Variants in MCC observed in about 807,000 individuals in gnomAD.
The protein encoded by MCC is MCC regulator of Wnt signaling pathway.
A neutral mutation model predicts 116.2 loss-of-function variants in MCC; 90 were observed. The ratio of observed to expected loss-of-function variants is 0.77; its 90% CI spans 0.65 to 0.92. The LOEUF (loss-of-function observed/expected upper bound fraction) is 0.92. Ranked by LOEUF, MCC falls within the 40% of genes least tolerant of loss-of-function variation. MCC has a pLI of 0.00. For missense variants in MCC, 1,516 were observed against 1,312.2 expected (o/e 1.16, Z -2.40); for synonymous variants, 578 against 510.5 (o/e 1.13, Z -1.78).
chr5:113,286,834 A>G lies in MCC; in HGVS notation c.627+53685T>C, dbSNP rs1481398861. On this transcript the variant is annotated intron_variant, in intron 3 of 18. Transcript: ENST00000408903. ...TGCAAAGTGCTTTACAACCTTATTC[A>G]CTCCTGTGGCAATGAAAACCCTTGA... Among the ~76,000 whole-genome samples, 7 of 151,922 alleles carry G rather than the reference A, an allele frequency of 4.6e-5. No individual in the cohort carries two copies. In the East Asian group the frequency reaches 1.2e-3, roughly 25 times the overall value.
At chr5:113,290,489 A>G (rs984786244) in intron 3 of MCC, among the ~76,000 whole-genome samples, 1 of 152,248 alleles carries the variant, frequency 6.6e-6, no homozygotes, top group Admixed American at 6.5e-5. Flanking sequence ...TTTTGTACAT[A>G]AATAGGCAAC....
intron 2 of MCC, among the ~76,000 whole-genome samples, chr5:113,353,730 C>T (rs1206864982): frequency 6.6e-6 from 1 of 152,222 alleles, no homozygotes. Flanking sequence ...GGTCAGTTAG[C>T]AAAGTGCATG....
intron 6 of MCC, among the ~76,000 whole-genome samples, chr5:113,112,120 A>T (rs546908923): frequency 6.6e-6 from 1 of 152,188 alleles, no homozygotes; most frequent in African/African-American, 2.4e-5. Context: ...TTTGCTCCAA[A>T]GTATGGTCCC....
intron 2 of MCC, among the ~76,000 whole-genome samples, chr5:113,368,470 C>T (rs1318971226): frequency 6.6e-6 from 1 of 152,152 alleles, no homozygotes; most frequent in African/African-American, 2.4e-5. Context: ...GGTGAACATC[C>T]TGCATCAGCA....
intron 3 of MCC, among the ~76,000 whole-genome samples, chr5:113,165,379 A>G (rs545760345): frequency 1.4e-4 from 22 of 152,328 alleles, no homozygotes; most frequent in African/African-American, 5.1e-4. Flanking sequence ...CCTACAAGAA[A>G]CACCAACATT....
In MCC at chr5:113,101,775, A is replaced by T. The variant is rs1004433969; in HGVS notation, c.1362T>A (p.Asn454Lys). The T allele has an allele frequency of 2.5e-6, 4 of 1,613,470 alleles. No individual in the cohort carries two copies. Among genetic ancestry groups the T allele is most frequent in the Non-Finnish European group, 3.4e-6 (4 of 1,179,998 alleles). The change falls in exon 8 of 19, where the codon AAT (asparagine) becomes AAA (lysine). Residue 454 changes from asparagine to lysine, a missense_variant. By Grantham distance (94) the Asn-to-Lys change is moderately conservative. Coordinates refer to ENST00000408903, the MANE Select transcript of MCC (RefSeq NM_001085377.2). ...EELNRTKATM[N>K]AIREERDRLR... ...GCCGGTCCCGCTCTTCCCGGATGGC[A>T]TTCATGGTGGCCTTAGTCCGGTTCA...
intron 3 of MCC, among the ~76,000 whole-genome samples, chr5:113,290,555 C>A (rs980021928): frequency 2.0e-5 from 3 of 152,218 alleles, no homozygotes; most frequent in Non-Finnish European, 2.9e-5. Flanking sequence ...TAAGTAAAGT[C>A]AAGTTTTACC....
At chr5:113,170,205 C>T (rs941000983) in intron 3 of MCC, among the ~76,000 whole-genome samples, 1 of 152,276 alleles carries the variant, frequency 6.6e-6, no homozygotes, top group Non-Finnish European at 1.5e-5. Flanking sequence ...CTTTTTTCTT[C>T]TTTACAGCAC....
chr5:113,274,779 G>A (rs1215211067), intron 3 of MCC, among the ~76,000 whole-genome samples: 5 of 152,152 alleles, frequency 3.3e-5, no homozygotes, highest in Admixed American at 2.0e-4. Context: ...TACTGGGTGG[G>A]CTATGGAATC....
At chr5:113,329,033 C>G (rs1245456849) in intron 3 of MCC, among the ~76,000 whole-genome samples, 1 of 152,196 alleles carries the variant, frequency 6.6e-6, no homozygotes, top group African/African-American at 2.4e-5. Context: ...CACATCTCAG[C>G]CTGCTACATG....
chr5:113,431,671 A>AG (rs1770648299), intron 1 of MCC, among the ~76,000 whole-genome samples: 1 of 149,106 alleles, frequency 6.7e-6, no homozygotes, highest in Admixed American at 6.8e-5. Flanking sequence ...CTATCGCCTT[A>AG]GAGGGGTATA....
intron 1 of MCC, chr5:113,436,301 T>C (rs2043726390): frequency 2.0e-5 from 3 of 152,408 alleles, no homozygotes; most frequent in Admixed American, 1.3e-4. Context: ...AAACCCCAAG[T>C]GCTGTCTCTT....
chr5:113,434,992 A>G lies in MCC; in HGVS notation c.171-49780T>C, dbSNP rs1770806771. 3.4e-6 allele frequency: 3 copies of G among 894,178 alleles called. No individual in the cohort carries two copies. The highest frequency in any genetic ancestry group is 5.0e-6 in the Non-Finnish European group (3 of 597,366). 55.4% of individuals were successfully genotyped at this position (894,178 alleles called of 1,614,324 possible). ...CCTAGAGGCCAAGACTCTGGAGTGG[A>G]ACATTTGGCACTGTCTCCCAGATGA... On this transcript the variant is annotated intron_variant, in intron 1 of 18. Coordinates refer to ENST00000408903, the MANE Select transcript of MCC (RefSeq NM_001085377.2). This position sits in a 1 kb window ranked among gnomAD's most constrained non-coding sequence, Gnocchi z 4.2.
At position 113,071,086 on chromosome 5, in the gene MCC, G is replaced by GCCTCGCGC; in HGVS notation, c.1925+7_1925+8insGCGCGAGG. ...GAAGTAGCTCCAAACATCCCAGTGTGTGCCTACCTGTACTGCAAGGCCAGC... is the reference window on the plus strand; with the variant it reads ...GAAGTAGCTCCAAACATCCCAGTGTGCCTCGCGCTGCCTACCTGTACTGCAAGGCCAGC... On this transcript the variant is annotated splice_region_variant and intron_variant, in intron 12 of 18. Coordinates refer to ENST00000408903, the MANE Select transcript of MCC (RefSeq NM_001085377.2). 6.4e-7 allele frequency: 1 copy of GCCTCGCGC among 1,553,540 alleles called. No homozygotes were observed. Among genetic ancestry groups the GCCTCGCGC allele is most frequent in the African/African-American group, 1.7e-5 (1 of 59,414 alleles).
intron 1 of MCC, among the ~76,000 whole-genome samples, chr5:113,412,657 A>T (rs559889077): frequency 1.3e-5 from 2 of 152,122 alleles, no homozygotes; most frequent in Non-Finnish European, 2.9e-5. Flanking sequence ...CTTATCAGCT[A>T]AAGGAGATTT....
chr5:113,448,608 C>T (rs1221217298), intron 1 of MCC, among the ~76,000 whole-genome samples: 2 of 148,636 alleles, frequency 1.3e-5, no homozygotes, highest in African/African-American at 5.2e-5. Flanking sequence ...GCACTGCCTT[C>T]GGTTGTGACA....
rs1297472769 is a variant in MCC at position 113,025,784 on chromosome 5, G to A, written c.*1518C>T. 1 of 152,270 alleles carries A rather than the reference G, an allele frequency of 6.6e-6. No individual in the cohort carries two copies. The highest frequency in any genetic ancestry group is 1.9e-4 in the East Asian group (1 of 5,186). The allele number at this position is 152,270 out of a possible 1,614,324, so 9.4% of individuals were successfully genotyped here. ...CAGTGGTTGCTTTTAGGATACAGCT[G>A]TCTGCCCTCCGAACTGGTGGCTGGA... On this transcript the variant is annotated 3_prime_UTR_variant, in exon 19 of 19. Transcript: ENST00000408903.
chr5:113,023,738 ATTTT>A lies in MCC; in HGVS notation c.*3560_*3563del. 6.6e-6 allele frequency: 1 copy of A among 152,326 alleles called. No homozygotes were observed. Among genetic ancestry groups the A allele is most frequent in the Non-Finnish European group, 1.5e-5 (1 of 68,020 alleles). 9.4% of individuals were successfully genotyped at this position (152,326 alleles called of 1,614,324 possible). A position where few individuals can be genotyped will look rare whatever the true frequency, so the allele number is the denominator to read the frequency against. ...GGAAAGGACACTTTCAGAGATGTTT[ATTTT>A]TTAATAGTCATCTTGATATGTTATC... On this transcript the variant is annotated 3_prime_UTR_variant, in exon 19 of 19. Coordinates refer to ENST00000408903, the MANE Select transcript of MCC (RefSeq NM_001085377.2).
chr5:113,200,427 C>T (rs80302130), intron 3 of MCC, among the ~76,000 whole-genome samples: 49 of 152,302 alleles, frequency 3.2e-4, no homozygotes, highest in Non-Finnish European at 6.2e-4. Flanking sequence ...TGTGAGGATA[C>T]ATCACTGCCT....
Sources: gnomAD v4.1 joint callset for allele counts (sites outside exome capture counted in the v4.1 genomes callset) on GRCh38, gnomAD v4.1.1 for gene constraint, Gnocchi (gnomAD v3.1) non-coding constraint, MANE v1.5 for transcripts, NCBI Gene and HGNC (gene_info 2026-07-23, HGNC 2026-07-21) for gene names.